TCF12: variants seen among roughly 807,000 people sequenced by gnomAD.
TCF12 encodes transcription factor 12, also known as DNA-binding protein HTF4.
Under a neutral mutation model 86.0 loss-of-function variants are expected in TCF12, and 45 were observed. That is an observed-to-expected ratio of 0.52 (90% CI 0.41 to 0.67). TCF12 has a LOEUF of 0.67. TCF12 is among the 30% of genes least tolerant of loss of function. The pLI is 0.00. For synonymous variants in TCF12, 330 were observed against 299.6 expected, an observed-to-expected ratio of 1.10 and a Z score of -1.05; for missense variants, 881 against 859.9, an observed-to-expected ratio of 1.02 and a Z score of -0.31.
At chr15:57,278,385 G>A (rs2061500232) in intron 19 of TCF12, among the ~76,000 whole-genome samples, 2 of 152,140 alleles carry the variant, frequency 1.3e-5, no homozygotes, top group South Asian at 4.2e-4. Context: ...AAGATTTTAG[G>A]AAAATATATT....
At chr15:57,016,726 G>T (rs997142952) in intron 3 of TCF12, among the ~76,000 whole-genome samples, 1 of 151,918 alleles carries the variant, frequency 6.6e-6, no homozygotes, top group Admixed American at 6.6e-5. Context: ...ACAAGCAGAA[G>T]CACTGACTGC....
intron 3 of TCF12, among the ~76,000 whole-genome samples, chr15:57,026,050 A>G (rs1258713381): frequency 1.3e-5 from 2 of 152,234 alleles, no homozygotes; most frequent in Non-Finnish European, 2.9e-5. Flanking sequence ...CATGTAGAAG[A>G]TAATATAGAT....
intron 6 of TCF12, among the ~76,000 whole-genome samples, chr15:57,187,556 GT>G (rs2056746449): frequency 6.6e-6 from 1 of 152,094 alleles, no homozygotes; most frequent in South Asian, 2.1e-4. Context: ...TTTTAAGAAA[GT>G]TTACAAATTT....
intron 6 of TCF12, among the ~76,000 whole-genome samples, chr15:57,170,745 T>TTATATATAACA (rs1555526235): frequency 6.4e-5 from 2 of 31,448 alleles, no homozygotes; most frequent in Non-Finnish European, 1.1e-4. Flanking sequence ...ATAATATATA[T>TTATATATAACA]TATATATTAT....
At chr15:57,057,079 TCATAGCAAAAATTA>T (rs2068087472) in intron 3 of TCF12, among the ~76,000 whole-genome samples, 2 of 152,250 alleles carry the variant, frequency 1.3e-5, no homozygotes, top group African/African-American at 4.8e-5. Flanking sequence ...TTGGTTAGAC[TCATAGCAAAAATTA>T]TCTCTTGCCT....
chr15:57,097,533 A>T (rs2049412947), intron 5 of TCF12, among the ~76,000 whole-genome samples: 1 of 152,236 alleles, frequency 6.6e-6, no homozygotes, highest in Non-Finnish European at 1.5e-5. Flanking sequence ...CTTAAAAAAA[A>T]TAATAAAAAA....
At chr15:57,206,429 A>C (rs1386281109) in intron 8 of TCF12, among the ~76,000 whole-genome samples, 1 of 152,030 alleles carries the variant, frequency 6.6e-6, no homozygotes, top group Non-Finnish European at 1.5e-5. Context: ...ATAAAGCTTT[A>C]TTTATGAAAA....
intron 5 of TCF12, among the ~76,000 whole-genome samples, chr15:57,117,419 T>C (rs2050918826): frequency 6.6e-6 from 1 of 152,182 alleles, no homozygotes; most frequent in African/African-American, 2.4e-5. Context: ...GGTCTATAAT[T>C]AGATATTATT....
At chr15:56,986,675 C>T (rs572006717) in intron 3 of TCF12, among the ~76,000 whole-genome samples, 3 of 152,160 alleles carry the variant, frequency 2.0e-5, no homozygotes, top group Admixed American at 1.3e-4. Context: ...TTTATGTATC[C>T]TTATGTATAT....
intron 8 of TCF12, among the ~76,000 whole-genome samples, chr15:57,227,956 C>T (rs1597455212): frequency 6.6e-6 from 1 of 151,992 alleles, no homozygotes; most frequent in East Asian, 1.9e-4. Flanking sequence ...TTAAGATCGA[C>T]TGTCATGATA....
chr15:57,113,166 G>A (rs751518544), intron 5 of TCF12, among the ~76,000 whole-genome samples: 2 of 151,926 alleles, frequency 1.3e-5, no homozygotes, highest in African/African-American at 4.8e-5. Flanking sequence ...CCATATCCCC[G>A]TGACTCCCTA....
intron 12 of TCF12, among the ~76,000 whole-genome samples, chr15:57,236,314 A>G (rs186317909): frequency 8.9e-4 from 135 of 152,300 alleles, no homozygotes; most frequent in African/African-American, 3.2e-3. Flanking sequence ...AAACGTACTG[A>G]AAAAGAAAAA....
chr15:57,118,846 A>G (rs530269874), intron 5 of TCF12, among the ~76,000 whole-genome samples: 3 of 152,302 alleles, frequency 2.0e-5, no homozygotes, highest in Admixed American at 2.0e-4. Flanking sequence ...TTGAATTTCC[A>G]TATCTGTGTA....
intron 3 of TCF12, among the ~76,000 whole-genome samples, chr15:56,973,028 G>A (rs2062416470): frequency 1.3e-5 from 2 of 152,074 alleles, no homozygotes; most frequent in African/African-American, 4.8e-5. Flanking sequence ...GAGCAAATAG[G>A]TAAATATTTT....
intron 3 of TCF12, among the ~76,000 whole-genome samples, chr15:56,973,920 T>C (rs1196142626): frequency 6.6e-6 from 1 of 152,134 alleles, no homozygotes; most frequent in Non-Finnish European, 1.5e-5. Context: ...ATCATGAGAA[T>C]GAGACAGGCT....
chr15:57,180,806 ATTTTTT>A (rs34557385), intron 6 of TCF12, among the ~76,000 whole-genome samples: 30 of 82,124 alleles, frequency 3.7e-4, no homozygotes, highest in Non-Finnish European at 4.8e-4. Context: ...GATGCTAATA[ATTTTTT>A]TTTTTTTTTT....
chr15:56,919,247 A>G (rs1567100772), intron 1 of TCF12: 1 of 152,092 alleles, frequency 6.6e-6, no homozygotes, highest in Non-Finnish European at 1.5e-5. Context: ...CAGGGCAGCA[A>G]AAGTGGGAGG....
intron 3 of TCF12, among the ~76,000 whole-genome samples, chr15:56,961,383 C>G (rs2061745458): frequency 6.6e-6 from 1 of 152,156 alleles, no homozygotes. Flanking sequence ...AACATGTCTG[C>G]TTTCCATTTT....
At chr15:57,096,722 T>C (rs1330665457) in intron 5 of TCF12, among the ~76,000 whole-genome samples, 1 of 152,176 alleles carries the variant, frequency 6.6e-6, no homozygotes, top group South Asian at 2.1e-4. Flanking sequence ...TCCATTTTTT[T>C]CCCCTAAATA....
Sources: allele counts gnomAD v4.1 joint callset (sites outside exome capture counted in the v4.1 genomes callset), GRCh38; gene constraint gnomAD v4.1.1; transcripts MANE v1.5; gene names NCBI Gene and HGNC (gene_info 2026-07-23, HGNC 2026-07-21).